The following SLC25A46 variants were observed in gnomAD, a reference collection of about 807,000 sequenced individuals.
SLC25A46 encodes the protein mitochondrial outer membrane protein SLC25A46.
In SLC25A46, 39 loss-of-function variants were observed where a neutral mutation model predicts 44.6. That is an observed-to-expected ratio of 0.87 (90% CI 0.68 to 1.14). The LOEUF is 1.14. SLC25A46 is among the 50% of genes most tolerant of loss of function. The pLI is 0.00. For missense variants in SLC25A46, 547 were observed against 522.7 expected (o/e 1.05, Z -0.45); for synonymous variants, 202 against 185.8 (o/e 1.09, Z -0.71).
At chr5:110,742,779 C>G (rs244411) in intron 2 of SLC25A46, among the ~76,000 whole-genome samples, 1 of 151,916 alleles carries the variant, frequency 6.6e-6, no homozygotes, top group Non-Finnish European at 1.5e-5. Context: ...AGATTTTGTT[C>G]ATAATCAGCG....
At position 110,761,104 on chromosome 5, in the gene SLC25A46, G is replaced by A; in HGVS notation, c.679-100G>A. On this transcript the variant is annotated intron_variant, in intron 7 of 7. Transcript: ENST00000355943. The surrounding 1 kb of genome is among the most constrained non-coding windows in gnomAD (Gnocchi z 5.3). Reference sequence around the variant, plus strand: ...CAAATCATGGATGTTTCCCTCTTCAGTCACTATGTTAGGATTTAAAAGGAA... The same window carrying A: ...CAAATCATGGATGTTTCCCTCTTCAATCACTATGTTAGGATTTAAAAGGAA... The A allele has an allele frequency of 1.2e-6, 1 of 858,280 alleles. No homozygotes were observed. 53.2% of individuals were successfully genotyped at this position (858,280 alleles called of 1,614,324 possible).
chr5:110,753,925 C>T (rs1800036376), intron 5 of SLC25A46: 1 of 152,074 alleles, frequency 6.6e-6, no homozygotes, highest in Non-Finnish European at 1.5e-5. Context: ...ATTTACAAAG[C>T]ATGTAACGTA....
At chr5:110,740,714 G>A (rs1799650224) in intron 1 of SLC25A46, among the ~76,000 whole-genome samples, 1 of 152,172 alleles carries the variant, frequency 6.6e-6, no homozygotes, top group Non-Finnish European at 1.5e-5. Context: ...CACTTTGGGA[G>A]GCCAAGGCGG....
Position 110,739,277 on chromosome 5 carries a change from G to A in SLC25A46, c.158G>A (p.Arg53His), listed in dbSNP as rs867841573. The change falls in exon 1 of 8, where the codon CGC becomes CAC. Residue 53 changes from arginine to histidine, a missense_variant. By Grantham distance (29) the Arg-to-His change is conservative (BLOSUM62 0). Coordinates refer to ENST00000355943, the MANE Select transcript of SLC25A46 (RefSeq NM_138773.4). The part of the protein sequence containing the change: ...VTTPPDIPGS[R>H]NLHWGEKSPP... The stretch of plus-strand genomic sequence containing the variant: ...ACTCCCCCAGATATCCCCGGCAGCC[G>A]CAACCTGCACTGGGGCGAGAAGAGC... The A allele has an allele frequency of 2.5e-6, 4 of 1,576,932 alleles. No individual in the cohort carries two copies. The highest frequency in any genetic ancestry group is 1.2e-5 in the South Asian group (1 of 86,090).
chr5:110,743,714 A>G lies in SLC25A46; in HGVS notation c.327-16A>G. Reference sequence around the variant, plus strand: ...CTCTATGTAGACATACATATACATAAATTATTTTTATATAGTCTCTTTACA... The same window carrying G: ...CTCTATGTAGACATACATATACATAGATTATTTTTATATAGTCTCTTTACA... On this transcript the variant is annotated splice_polypyrimidine_tract_variant and intron_variant, in intron 2 of 7. Coordinates refer to ENST00000355943, the MANE Select transcript of SLC25A46 (RefSeq NM_138773.4). 1 of 1,530,842 alleles carries G rather than the reference A, an allele frequency of 6.5e-7. No homozygotes were observed. Among genetic ancestry groups the G allele is most frequent in the Non-Finnish European group, 8.9e-7 (1 of 1,118,448 alleles). 94.8% of individuals were successfully genotyped at this position (1,530,842 alleles called of 1,614,324 possible). A position where few individuals can be genotyped will look rare whatever the true frequency, so the allele number is the denominator to read the frequency against.
At chr5:110,740,566 A>T (rs1799641062) in intron 1 of SLC25A46, among the ~76,000 whole-genome samples, 2 of 152,152 alleles carry the variant, frequency 1.3e-5, no homozygotes, top group African/African-American at 4.8e-5. Context: ...CACCTAAGAG[A>T]CTTACACAGT....
Position 110,759,734 on chromosome 5 carries a change from C to T in SLC25A46, c.679-1470C>T, listed in dbSNP as rs555173521. Among the ~76,000 whole-genome samples, 51 of 152,116 alleles carry T rather than the reference C, an allele frequency of 3.4e-4. 1 individual carries two copies. Among genetic ancestry groups the T allele is most frequent in the Admixed American group, 1.1e-3 (17 of 15,278 alleles). ...AAGTCTTTGATAGGTTTGAGCAGAG[C>T]GGTGGTGTGATCTGACTTACATCTT... On this transcript the variant is annotated intron_variant, in intron 7 of 7. Coordinates refer to ENST00000355943, the MANE Select transcript of SLC25A46 (RefSeq NM_138773.4).
At chr5:110,753,319 T>TA (rs397787890) in intron 5 of SLC25A46, 3 of 144,990 alleles carry the variant, frequency 2.1e-5, no homozygotes, top group South Asian at 4.4e-4. Flanking sequence ...TTTTTTTTTT[T>TA]AATTAGGATA....
At position 110,755,541 on chromosome 5, in the gene SLC25A46, A is replaced by C. The variant is rs1355278531; in HGVS notation, c.620+20A>C. The C allele has an allele frequency of 6.7e-7, 1 of 1,500,202 alleles. No homozygotes were observed. The highest frequency in any genetic ancestry group is 2.0e-5 in the Admixed American group (1 of 48,792). The allele number at this position is 1,500,202 out of a possible 1,614,324, so 92.9% of individuals were successfully genotyped here. On this transcript the variant is annotated intron_variant, in intron 6 of 7. Coordinates refer to ENST00000355943, the MANE Select transcript of SLC25A46 (RefSeq NM_138773.4). Reference sequence around the variant, plus strand: ...GAAATCGTAAGTATCAAAAAATGGCATTTTTATTGGGCATTTTCACTAATT... The same window carrying C: ...GAAATCGTAAGTATCAAAAAATGGCCTTTTTATTGGGCATTTTCACTAATT...
intron 4 of SLC25A46, among the ~76,000 whole-genome samples, chr5:110,747,113 C>G (rs1384544163): frequency 6.6e-6 from 1 of 152,134 alleles, no homozygotes; most frequent in Non-Finnish European, 1.5e-5. Context: ...TCTTTCACTT[C>G]CAGGAACTTA....
At position 110,761,374 on chromosome 5, in the gene SLC25A46, G is replaced by C. The variant is rs772739765; in HGVS notation, c.849G>C (p.Gln283His). The C allele has an allele frequency of 6.8e-6, 11 of 1,613,612 alleles. No individual in the cohort carries two copies. Among genetic ancestry groups the C allele is most frequent in the Non-Finnish European group, 2.5e-6 (3 of 1,179,810 alleles). ...ATTACATCATCAGCTCAGTTATTCA[G>C]AAGTTTGTCCTACTAATTCTAAAGA... ...VLHYIISSVIQKFVLLILKRK... is the reference protein window; with the variant it reads ...VLHYIISSVIHKFVLLILKRK... Residue 283 changes from glutamine to histidine, a missense_variant, in exon 8 of 8, where the codon CAG (glutamine) becomes CAC (histidine). Physicochemically the swap from Gln to His is conservative, Grantham distance 24 (BLOSUM62 0). Coordinates refer to ENST00000355943, the MANE Select transcript of SLC25A46 (RefSeq NM_138773.4). The surrounding 1 kb of genome is among the most constrained non-coding windows in gnomAD (Gnocchi z 5.3).
rs960197684 is a variant in SLC25A46 at position 110,739,142 on chromosome 5, G to A, written c.23G>A (p.Gly8Glu). 11 of 1,549,156 alleles carry A rather than the reference G, an allele frequency of 7.1e-6. No individual in the cohort carries two copies. The highest frequency in any genetic ancestry group is 8.7e-6 in the Non-Finnish European group (10 of 1,146,842). ...GCGATGCATCCGCGGCGCCCGGACG[G>A]ATTTGATGGCTTGGGCTACCGGGGT... MHPRRPD[G>E]FDGLGYRGGA... Residue 8 changes from glycine to glutamate, a missense_variant, in exon 1 of 8, where the codon GGA becomes GAA. By Grantham distance (98) the Gly-to-Glu change is moderately conservative. Transcript: ENST00000355943.
chr5:110,751,535 T>C (rs1799969129), intron 5 of SLC25A46, among the ~76,000 whole-genome samples: 2 of 152,176 alleles, frequency 1.3e-5, no homozygotes, highest in Admixed American at 1.3e-4. Flanking sequence ...CCAGAACATG[T>C]GTGGCCCTGT....
chr5:110,758,489 A>G (rs1800167853), intron 7 of SLC25A46, among the ~76,000 whole-genome samples: 1 of 152,114 alleles, frequency 6.6e-6, no homozygotes, highest in African/African-American at 2.4e-5. Flanking sequence ...TTCATCCTTC[A>G]TAATTACCCA....
At chr5:110,756,895 G>T in intron 7 of SLC25A46, 136 bp downstream of exon 7, 1 of 480,750 alleles carries the variant, frequency 2.1e-6, no homozygotes, top group Non-Finnish European at 3.6e-6. Flanking sequence ...AAATATCACA[G>T]TTATATCGCA....
chr5:110,750,226 A>G (rs539656803), intron 5 of SLC25A46, among the ~76,000 whole-genome samples: 1 of 151,836 alleles, frequency 6.6e-6, no homozygotes, highest in South Asian at 2.1e-4. Flanking sequence ...AAAGGTCAGC[A>G]ACATTTGGGC....
chr5:110,744,588 A>T (rs244924), intron 3 of SLC25A46, among the ~76,000 whole-genome samples: 147,493 of 152,322 alleles, frequency 0.97, 71,520 homozygotes, highest in Non-Finnish European at 1. Context: ...AGAAAAGTCT[A>T]TAAGTATTGT....
In SLC25A46 at chr5:110,763,769, C is replaced by T. The variant is rs750506771; in HGVS notation, c.*1987C>T. The stretch of plus-strand genomic sequence containing the variant: ...TAATTATAAGACTGATAGGCTGAAC[C>T]ATACACAAATAAGGTTGATCTTGTT... On this transcript the variant is annotated 3_prime_UTR_variant, in exon 8 of 8. Coordinates refer to ENST00000355943, the MANE Select transcript of SLC25A46 (RefSeq NM_138773.4). The T allele has an allele frequency of 2.0e-5, 3 of 151,750 alleles. No homozygotes were observed. The highest frequency in any genetic ancestry group is 2.9e-5 in the Non-Finnish European group (2 of 67,832). The allele number at this position is 151,750 out of a possible 1,614,324, so 9.4% of individuals were successfully genotyped here. A position where few individuals can be genotyped will look rare whatever the true frequency, so the allele number is the denominator to read the frequency against.
At chr5:110,748,410 A>C in intron 5 of SLC25A46, 147 bp downstream of exon 5, 3 of 625,632 alleles carry the variant, frequency 4.8e-6, no homozygotes, top group Non-Finnish European at 8.6e-6. Flanking sequence ...AACAATTCTC[A>C]ATTGTGTAAA....
Sources: gnomAD v4.1 joint callset for allele counts (sites outside exome capture counted in the v4.1 genomes callset) on GRCh38, gnomAD v4.1.1 for gene constraint, Gnocchi (gnomAD v3.1) non-coding constraint, MANE v1.5 for transcripts, NCBI Gene and HGNC (gene_info 2026-07-23, HGNC 2026-07-21) for gene names.